FAM180B: variants seen among roughly 807,000 people sequenced by gnomAD.
FAM180B encodes family with sequence similarity 180 member B, also known as protein FAM180B.
A neutral mutation model predicts 13.6 loss-of-function variants in FAM180B; 14 were observed. The ratio of observed to expected loss-of-function variants is 1.03; its 90% confidence interval spans 0.68 to 1.60. FAM180B has a LOEUF of 1.60. Among genes scored for constraint, FAM180B ranks in the 40% most tolerant of loss-of-function variants. FAM180B has a pLI of 0.00. For synonymous variants in FAM180B, 109 were observed against 97.0 expected, an observed-to-expected ratio of 1.12 and a Z score of -0.72; for missense variants, 212 against 230.4, an observed-to-expected ratio of 0.92 and a Z score of 0.52.
chr11:47,588,041 G>A lies in FAM180B; in HGVS notation c.159G>A (p.Leu53=), dbSNP rs2097272630. 1 of 1,529,912 alleles carries A rather than the reference G, an allele frequency of 6.5e-7. No individual in the cohort carries two copies. The highest frequency in any genetic ancestry group is 1.2e-5 in the South Asian group (1 of 82,852). The allele number at this position is 1,529,912 out of a possible 1,614,324, so 94.8% of individuals were successfully genotyped here. ...CCCTTACATGGCTCCCCTTGCAGCT[G>A]CTCTGGGCTGGGCTGGAGCTGGATG... is the stretch of plus-strand genomic sequence containing the variant. ...EPEAPEVMFE[L]LWAGLELDVM... is the part of the protein sequence containing the mutation. Residue 53 remains leucine, a splice_region_variant and synonymous_variant, in exon 3 of 3, where the codon CTG becomes CTA. Transcript: ENST00000538490.
chr11:47,586,836 C>T lies in FAM180B; in HGVS notation c.68C>T (p.Thr23Ile). 1 of 1,536,940 alleles carries T rather than the reference C, an allele frequency of 6.5e-7. No individual in the cohort carries two copies. Among genetic ancestry groups the T allele is most frequent in the Non-Finnish European group, 8.7e-7 (1 of 1,146,618 alleles). ...VAICLLSGVT[T>I]TQPHAGQPMD... ...ATTTGTCTCCTCTCTGGTGTGACTA[C>T]AACCCAGCCCCATGCAGGTACCAGG... is the stretch of plus-strand genomic sequence containing the variant. Residue 23 changes from threonine (T) to isoleucine (I), a missense_variant, in exon 1 of 3, where the codon ACA (threonine) becomes ATA (isoleucine). Thr to Ile is a moderately conservative substitution (Grantham distance 89). Coordinates refer to ENST00000538490, the MANE Select transcript of FAM180B (RefSeq NM_001164379.3).
Position 47,588,791 on chromosome 11 carries a change from G to C in FAM180B, c.*357G>C, listed in dbSNP as rs1338482201. The C allele has an allele frequency of 1.2e-5, 2 of 173,900 alleles. No individual in the cohort carries two copies. Among genetic ancestry groups the C allele is most frequent in the Admixed American group, 6.2e-5 (1 of 16,156 alleles). 10.8% of individuals were successfully genotyped at this position (173,900 alleles called of 1,614,324 possible). Reference sequence around the variant, plus strand: ...GGTCAGGGTTGAGAAGTGTGTTCAAGAGATGCTGAAGGGAAGCTGCCCCAA... The same window carrying C: ...GGTCAGGGTTGAGAAGTGTGTTCAACAGATGCTGAAGGGAAGCTGCCCCAA... On this transcript the variant is annotated 3_prime_UTR_variant, in exon 3 of 3. Transcript: ENST00000538490.
In FAM180B at chr11:47,588,253, C is replaced by T; in HGVS notation, c.371C>T (p.Thr124Ile). The T allele has an allele frequency of 1.3e-6, 2 of 1,537,130 alleles. No homozygotes were observed. The highest frequency in any genetic ancestry group is 1.2e-5 in the South Asian group (1 of 84,058). ...STWDFEHLLL[T>I]GLSCVYRLHA... ...TGGGACTTTGAACATCTGCTCCTCA[C>T]AGGCCTGTCCTGCGTCTACCGGCTC... is the stretch of plus-strand genomic sequence containing the variant. The change falls in exon 3 of 3, where the codon ACA (threonine) becomes ATA (isoleucine). Residue 124 changes from threonine (T) to isoleucine (I), a missense_variant. Thr to Ile is a moderately conservative substitution (Grantham distance 89). Coordinates refer to ENST00000538490, the MANE Select transcript of FAM180B (RefSeq NM_001164379.3).
rs749221249 is a variant in FAM180B at position 47,586,765 on chromosome 11, G to A, written c.-4G>A. ...AGAGTGAGACTCAGAGGACGTGGTT[G>A]AGCATGGCTGCGACCCTGCAGTTCC... On this transcript the variant is annotated 5_prime_UTR_variant, in exon 1 of 3. Transcript: ENST00000538490. The A allele has an allele frequency of 5.7e-5, 88 of 1,536,320 alleles. No homozygotes were observed. Among genetic ancestry groups the A allele is most frequent in the Non-Finnish European group, 7.2e-5 (83 of 1,146,152 alleles).
chr11:47,588,713 T>TGTGAGA lies in FAM180B; in HGVS notation c.*282_*283insAGAGTG, dbSNP rs1555199602. 7 of 148,516 alleles carry TGTGAGA rather than the reference T, an allele frequency of 4.7e-5. No homozygotes were observed. Among genetic ancestry groups the TGTGAGA allele is most frequent in the Admixed American group, 1.5e-4 (1 of 6,886 alleles). The allele number at this position is 148,516 out of a possible 1,614,324, so 9.2% of individuals were successfully genotyped here. A position where few individuals can be genotyped will look rare whatever the true frequency, so the allele number is the denominator to read the frequency against. ...AAGGGCACGACTTGCAGGCAGTGTG[T>TGTGAGA]GTGTGAGTGTGTGTGTGTGTGTGTG... On this transcript the variant is annotated 3_prime_UTR_variant, in exon 3 of 3. Coordinates refer to ENST00000538490, the MANE Select transcript of FAM180B (RefSeq NM_001164379.3).
intron 1 of FAM180B, among the ~76,000 whole-genome samples, chr11:47,587,443 T>C (rs2097272233): frequency 6.6e-6 from 1 of 152,192 alleles, no homozygotes; most frequent in South Asian, 2.1e-4. Flanking sequence ...TGTGACCCGT[T>C]GGCCTGGAGC....
chr11:47,586,775 G>A lies in FAM180B; in HGVS notation c.7G>A (p.Ala3Thr), dbSNP rs2097271805. The A allele has an allele frequency of 1.3e-6, 2 of 1,537,098 alleles. No homozygotes were observed. The highest frequency in any genetic ancestry group is 8.7e-7 in the Non-Finnish European group (1 of 1,146,720). MA[A>T]TLQFLVCLVV... is the part of the protein sequence containing the mutation. ...TCAGAGGACGTGGTTGAGCATGGCTGCGACCCTGCAGTTCCTGGTTTGCCT... is the reference window on the plus strand; with the variant it reads ...TCAGAGGACGTGGTTGAGCATGGCTACGACCCTGCAGTTCCTGGTTTGCCT... The change falls in exon 1 of 3, where the codon GCG (alanine) becomes ACG (threonine). Residue 3 changes from alanine to threonine, a missense_variant. Physicochemically the swap from Ala to Thr is moderately conservative, Grantham distance 58. Coordinates refer to ENST00000538490, the MANE Select transcript of FAM180B (RefSeq NM_001164379.3).
At position 47,588,335 on chromosome 11, in the gene FAM180B, G is replaced by A. The variant is rs1282821374; in HGVS notation, c.453G>A (p.Leu151=). Residue 151 remains leucine, a synonymous_variant, in exon 3 of 3, where the codon CTG becomes CTA. Coordinates refer to ENST00000538490, the MANE Select transcript of FAM180B (RefSeq NM_001164379.3). ...GCTGGGCCCAGGTCTTCGCTCTCCT[G>A]GCACAGGAAACACTCTGGGACCTGT... ...RGRWAQVFAL[L]AQETLWDLCK... The A allele has an allele frequency of 1.3e-6, 2 of 1,536,938 alleles. No homozygotes were observed. Among genetic ancestry groups the A allele is most frequent in the African/African-American group, 1.4e-5 (1 of 73,000 alleles).
intron 2 of FAM180B, 97 bp from the exon 3 acceptor site, chr11:47,587,942 G>A (rs1160140172): frequency 2.1e-5 from 30 of 1,405,140 alleles, no homozygotes; most frequent in African/African-American, 5.7e-5. Context: ...GCCAGCATGC[G>A]TCCTGCTGCC....
At position 47,588,654 on chromosome 11, in the gene FAM180B, T is replaced by TCGCAAGGAGTG. The variant is rs375632808; in HGVS notation, c.*232_*242dup. The TCGCAAGGAGTG allele has an allele frequency of 1.9e-6, 1 of 530,048 alleles. No individual in the cohort carries two copies. Among genetic ancestry groups the TCGCAAGGAGTG allele is most frequent in the East Asian group, 3.0e-5 (1 of 33,010 alleles). 32.8% of individuals were successfully genotyped at this position (530,048 alleles called of 1,614,324 possible). ...AGAGGCTAAGAACCCAGGCTCTGGG[T>TCGCAAGGAGTG]CGCAAGGAGTGCGCAAGGAGTGGGC... On this transcript the variant is annotated 3_prime_UTR_variant, in exon 3 of 3. Coordinates refer to ENST00000538490, the MANE Select transcript of FAM180B (RefSeq NM_001164379.3).
Position 47,588,604 on chromosome 11 carries a change from A to ACCAGATCTTGTTTC in FAM180B, c.*172_*185dup. The ACCAGATCTTGTTTC allele has an allele frequency of 1.8e-6, 1 of 551,604 alleles. No homozygotes were observed. The highest frequency in any genetic ancestry group is 2.7e-5 in the South Asian group (1 of 36,892). The allele number at this position is 551,604 out of a possible 1,614,324, so 34.2% of individuals were successfully genotyped here. A position where few individuals can be genotyped will look rare whatever the true frequency, so the allele number is the denominator to read the frequency against. On this transcript the variant is annotated 3_prime_UTR_variant, in exon 3 of 3. Coordinates refer to ENST00000538490, the MANE Select transcript of FAM180B (RefSeq NM_001164379.3). ...GGACACCCCCTCTCTGCTTACCCCG[A>ACCAGATCTTGTTTC]CCAGATCTTGTTTCCTAGATCTTGA... is the stretch of plus-strand genomic sequence containing the variant.
In FAM180B at chr11:47,586,806, T is replaced by C. The variant is rs1307060570; in HGVS notation, c.38T>C (p.Val13Ala). The C allele has an allele frequency of 2.0e-6, 3 of 1,537,276 alleles. No individual in the cohort carries two copies. Among genetic ancestry groups the C allele is most frequent in the Non-Finnish European group, 1.7e-6 (2 of 1,146,904 alleles). The change falls in exon 1 of 3, where the codon GTA (valine) becomes GCA (alanine). Residue 13 changes from valine (V) to alanine (A), a missense_variant. Physicochemically the swap from Val to Ala is moderately conservative, Grantham distance 64. Coordinates refer to ENST00000538490, the MANE Select transcript of FAM180B (RefSeq NM_001164379.3). The part of the protein sequence containing the change: ...ATLQFLVCLV[V>A]AICLLSGVTT... ...CTGCAGTTCCTGGTTTGCCTGGTGG[T>C]AGCCATTTGTCTCCTCTCTGGTGTG...
At position 47,587,744 on chromosome 11, in the gene FAM180B, GC is replaced by G; in HGVS notation, c.86-3del. ...GGCAGGGGCCTGACTCCTCTCTGCT[GC>G]CCCAGGGCAGCCCATGGACAGCACC... On this transcript the variant is annotated splice_region_variant and splice_polypyrimidine_tract_variant and intron_variant, in intron 1 of 2. Transcript: ENST00000538490. 1 of 1,513,248 alleles carries G rather than the reference GC, an allele frequency of 6.6e-7. No homozygotes were observed. The highest frequency in any genetic ancestry group is 1.2e-5 in the South Asian group (1 of 80,148). 93.7% of individuals were successfully genotyped at this position (1,513,248 alleles called of 1,614,324 possible). A position where few individuals can be genotyped will look rare whatever the true frequency, so the allele number is the denominator to read the frequency against.
At chr11:47,587,656 C>A in intron 1 of FAM180B, 95 bp from the exon 2 acceptor site, 1 of 801,738 alleles carries the variant, frequency 1.2e-6, no homozygotes, top group Non-Finnish European at 1.9e-6. Context: ...ATGAAGCACT[C>A]GGGACCTCTA....
chr11:47,587,904 G>A, intron 2 of FAM180B, 83 bp downstream of exon 2: 1 of 1,420,874 alleles, frequency 7.0e-7, no homozygotes. Context: ...ATGTCTCAGG[G>A]TGGACCTGCT....
chr11:47,588,134 C>T lies in FAM180B; in HGVS notation c.252C>T (p.Leu84=). ...CACACCCAGGCCGCCGACTCAGACT[C>T]CTCCTGCAGCACCACGTGCCCAGTG... ...ASTHPGRRLR[L]LLQHHVPSDL... The change falls in exon 3 of 3, where the codon CTC becomes CTT. Residue 84 remains leucine (L), a synonymous_variant. Coordinates refer to ENST00000538490, the MANE Select transcript of FAM180B (RefSeq NM_001164379.3). 6.5e-7 allele frequency: 1 copy of T among 1,537,232 alleles called. No individual in the cohort carries two copies. Among genetic ancestry groups the T allele is most frequent in the Non-Finnish European group, 8.7e-7 (1 of 1,146,900 alleles).
At position 47,588,717 on chromosome 11, in the gene FAM180B, T is replaced by TGTGA; in HGVS notation, c.*284_*285insTGAG. The TGTGA allele has an allele frequency of 2.3e-5, 3 of 129,668 alleles. No homozygotes were observed. The highest frequency in any genetic ancestry group is 1.4e-4 in the South Asian group (1 of 7,172). The allele number at this position is 129,668 out of a possible 1,614,324, so 8.0% of individuals were successfully genotyped here. ...GCACGACTTGCAGGCAGTGTGTGTG[T>TGTGA]GAGTGTGTGTGTGTGTGTGTGTGTG... is the stretch of plus-strand genomic sequence containing the variant. On this transcript the variant is annotated 3_prime_UTR_variant, in exon 3 of 3. Transcript: ENST00000538490.
intron 1 of FAM180B, among the ~76,000 whole-genome samples, chr11:47,587,384 C>T (rs751127399): frequency 6.6e-6 from 1 of 152,146 alleles, no homozygotes; most frequent in Admixed American, 6.5e-5. Context: ...TTTTAGGTGA[C>T]TTTATCCTCA....
rs1157598471 is a variant in FAM180B at position 47,587,825 on chromosome 11, T to C, written c.156+4T>C. ...GGCCCCGGAAGTGATGTTTGAGGTC[T>C]TTCCTCCCAGCCTGGGACATGGGGG... On this transcript the variant is annotated splice_donor_region_variant and intron_variant, in intron 2 of 2. Transcript: ENST00000538490. 1.3e-6 allele frequency: 2 copies of C among 1,531,936 alleles called. No homozygotes were observed. Among genetic ancestry groups the C allele is most frequent in the Admixed American group, 4.0e-5 (2 of 50,320 alleles). The allele number at this position is 1,531,936 out of a possible 1,614,324, so 94.9% of individuals were successfully genotyped here.
Sources: gnomAD v4.1 joint callset for allele counts (sites outside exome capture counted in the v4.1 genomes callset) on GRCh38, gnomAD v4.1.1 for gene constraint, MANE v1.5 for transcripts, NCBI Gene and HGNC (gene_info 2026-07-23, HGNC 2026-07-21) for gene names.